KCNK17: variants seen among roughly 807,000 people sequenced by gnomAD.
The protein encoded by KCNK17 is potassium two pore domain channel subfamily K member 17, also known as potassium channel subfamily K member 17.
In KCNK17, 27 loss-of-function variants were observed where a neutral mutation model predicts 24.6. The observed-to-expected ratio is 1.10, with a 90% CI of 0.81 to 1.51. The LOEUF (loss-of-function observed/expected upper bound fraction) is 1.51. KCNK17 is among the 40% of genes most tolerant of loss of function. KCNK17 has a pLI of 0.00. For missense variants in KCNK17, 450 were observed against 436.6 expected (o/e 1.03, Z -0.27); for synonymous variants, 181 against 189.8 (o/e 0.95, Z 0.38).
intron 1 of KCNK17, among the ~76,000 whole-genome samples, chr6:39,312,682 A>G (rs897817322): frequency 5.3e-5 from 8 of 152,226 alleles, no homozygotes; most frequent in African/African-American, 1.9e-4. Context: ...AGTGCTTGGC[A>G]CACGATAAGT....
At chr6:39,300,596 T>C in intron 4 of KCNK17, 4 of 1,433,534 alleles carry the variant, frequency 2.8e-6, no homozygotes, top group Non-Finnish European at 3.8e-6. Flanking sequence ...TTCAGCCACC[T>C]GTCTGAACCT....
intron 2 of KCNK17, among the ~76,000 whole-genome samples, chr6:39,306,288 C>T (rs1348878396): frequency 2.0e-5 from 3 of 152,220 alleles, no homozygotes; most frequent in Non-Finnish European, 2.9e-5. Context: ...AGGCGATCTG[C>T]CCGCCTTGGC....
intron 4 of KCNK17, among the ~76,000 whole-genome samples, chr6:39,303,377 G>A (rs947889603): frequency 1.2e-4 from 18 of 152,196 alleles, no homozygotes; most frequent in African/African-American, 3.9e-4. Flanking sequence ...GCTGGGCATC[G>A]GACTCAGCCT....
intron 2 of KCNK17, among the ~76,000 whole-genome samples, chr6:39,306,766 GTT>G (rs34588404): frequency 0.012 from 1,603 of 130,462 alleles, 32 homozygotes; most frequent in African/African-American, 0.043. Context: ...TTCTTTCTTT[GTT>G]TTTTTTTTTT....
Position 39,299,618 on chromosome 6 carries a change from G to A in KCNK17, c.808C>T (p.Pro270Ser). The A allele has an allele frequency of 6.2e-7, 1 of 1,614,132 alleles. No individual in the cohort carries two copies. The highest frequency in any genetic ancestry group is 1.3e-5 in the African/African-American group (1 of 75,042). The change falls in exon 5 of 5, where the codon CCA (proline) becomes TCA (serine). Residue 270 changes from proline (P) to serine (S), a missense_variant. Pro to Ser is a moderately conservative substitution (Grantham distance 74, BLOSUM62 -1). Transcript: ENST00000373231. ...IKLILSQLET[P>S]GRVCSCCHHS... Reference sequence around the variant, plus strand: ...TGGCAGCAGGAACATACCCTCCCTGGCGTCTCCAGCTGGGAGAGGATGAGT... The same window carrying A: ...TGGCAGCAGGAACATACCCTCCCTGACGTCTCCAGCTGGGAGAGGATGAGT...
rs59086835 is a variant in KCNK17, at chr6:39,311,072, GCACACACACACACA to G, written c.238-79_238-66del. On this transcript the variant is annotated intron_variant, in intron 1 of 4. Transcript: ENST00000373231. ...TGATGGATTTCCTGTACCCCAAGATGCACACACACACACACACACACACACACACACACACACAC... is the reference window on the plus strand; with the variant it reads ...TGATGGATTTCCTGTACCCCAAGATGCACACACACACACACACACACACAC... The G allele has an allele frequency of 6.2e-3, 3,224 of 518,752 alleles. 49 individuals carry two copies. Among genetic ancestry groups the G allele is most frequent in the African/African-American group, 0.043 (2,092 of 49,026 alleles). 32.1% of individuals were successfully genotyped at this position (518,752 alleles called of 1,614,324 possible).
intron 1 of KCNK17, among the ~76,000 whole-genome samples, chr6:39,311,710 C>T (rs779782681): frequency 6.6e-6 from 1 of 152,102 alleles, no homozygotes; most frequent in Non-Finnish European, 1.5e-5. Context: ...GATGTTCATT[C>T]TCATTTGGGT....
intron 2 of KCNK17, among the ~76,000 whole-genome samples, chr6:39,306,636 A>G (rs1490732875): frequency 6.6e-6 from 1 of 152,116 alleles, no homozygotes; most frequent in Non-Finnish European, 1.5e-5. Context: ...AGGGGTCCCA[A>G]GAGAGGTCAA....
rs184459209 is a variant in KCNK17, at chr6:39,300,591, C to T, written c.689-854G>A. The T allele has an allele frequency of 1.6e-5, 23 of 1,474,910 alleles. No homozygotes were observed. The Admixed American group carries it at 3.2e-4, about 20-fold the overall frequency. 91.4% of individuals were successfully genotyped at this position (1,474,910 alleles called of 1,614,324 possible). The stretch of plus-strand genomic sequence containing the variant: ...TATGTATCCTGACTCGGTTCTTCAG[C>T]CACCTGTCTGAACCTCCTTCACCTG... On this transcript the variant is annotated intron_variant, in intron 4 of 4. Transcript: ENST00000373231.
Position 39,299,180 on chromosome 6 carries a change from C to T in KCNK17, c.*247G>A, listed in dbSNP as rs1236978311. 1.4e-5 allele frequency: 7 copies of T among 500,202 alleles called. No homozygotes were observed. The highest frequency in any genetic ancestry group is 5.7e-5 in the African/African-American group (3 of 52,258). The allele number at this position is 500,202 out of a possible 1,614,324, so 31.0% of individuals were successfully genotyped here. ...CTGCCAGAGCTCCCAGCCATCATAT[C>T]GGCGGCATTGCAGCCCGCTAAAGTA... On this transcript the variant is annotated 3_prime_UTR_variant, in exon 5 of 5. Transcript: ENST00000373231.
rs535450198 is a variant in KCNK17 at position 39,299,719 on chromosome 6, C to A, written c.707G>T (p.Arg236Met). ...DYVIGMNPSQ[R>M]YPLWYKNMVS... ...CATGTTCTTGTACCACAGTGGGTAC[C>A]TCTGGGAGGGGTTCATTCCTGGGGA... Residue 236 changes from arginine to methionine, a missense_variant, in exon 5 of 5, where the codon AGG (arginine) becomes ATG (methionine). Arg to Met is a moderately conservative substitution (Grantham distance 91). Coordinates refer to ENST00000373231, the MANE Select transcript of KCNK17 (RefSeq NM_031460.4). The A allele has an allele frequency of 3.1e-6, 5 of 1,613,658 alleles. No individual in the cohort carries two copies. The South Asian group carries it at 5.5e-5, about 18-fold the overall frequency.
intron 2 of KCNK17, among the ~76,000 whole-genome samples, chr6:39,306,080 C>T (rs181407290): frequency 2.8e-4 from 42 of 147,860 alleles, no homozygotes; most frequent in Middle Eastern, 3.6e-3. Flanking sequence ...GTTTCGCTCT[C>T]TTGCCCAGGC....
At chr6:39,303,207 C>T (rs1476587308) in intron 4 of KCNK17, among the ~76,000 whole-genome samples, 3 of 152,192 alleles carry the variant, frequency 2.0e-5, no homozygotes, top group African/African-American at 7.2e-5. Context: ...GGCCTCCTCC[C>T]CACATTAGGG....
rs191023425 is a variant in KCNK17 at position 39,310,947 on chromosome 6, G to A, written c.298C>T (p.Arg100Cys). ...SLLSNTTSMG[R>C]WELVGSFFFS... ...AAGAAGGAGCCCACGAGCTCCCAGC[G>A]CCCCATGCTGGTGGTGTTGCTGAGG... is the stretch of plus-strand genomic sequence containing the variant. Residue 100 changes from arginine (R) to cysteine (C), a missense_variant, in exon 2 of 5, where the codon CGC becomes TGC. Coordinates refer to ENST00000373231, the MANE Select transcript of KCNK17 (RefSeq NM_031460.4). 1.4e-5 allele frequency: 23 copies of A among 1,602,770 alleles called. No individual in the cohort carries two copies. The East Asian group carries it at 3.2e-4, about 22-fold the overall frequency.
intron 4 of KCNK17, among the ~76,000 whole-genome samples, chr6:39,301,268 G>T (rs1222941610): frequency 5.3e-5 from 8 of 152,078 alleles, no homozygotes; most frequent in Admixed American, 5.2e-4. Context: ...TCATTCAAAG[G>T]GTAGAGCTCT....
chr6:39,303,360 G>T (rs912849390), intron 4 of KCNK17, among the ~76,000 whole-genome samples: 4 of 152,202 alleles, frequency 2.6e-5, no homozygotes, highest in Non-Finnish European at 5.9e-5. Flanking sequence ...TCCCTCCACT[G>T]CCACCTGCTG....
At position 39,304,564 on chromosome 6, in the gene KCNK17, G is replaced by A; in HGVS notation, c.444C>T (p.Leu148=). 6.2e-7 allele frequency: 1 copy of A among 1,614,150 alleles called. No homozygotes were observed. Among genetic ancestry groups the A allele is most frequent in the Non-Finnish European group, 8.5e-7 (1 of 1,179,984 alleles). The part of the protein sequence containing the change: ...LVGIPLNLVV[L]NRLGHLMQQG... The stretch of plus-strand genomic sequence containing the variant: ...GCTGCATGAGATGCCCCAGTCGGTT[G>A]AGCACCACGAGGTTGAGTGGGATCC... Residue 148 remains leucine (L), a synonymous_variant, in exon 3 of 5, where the codon CTC becomes CTT. Coordinates refer to ENST00000373231, the MANE Select transcript of KCNK17 (RefSeq NM_031460.4).
At position 39,304,631 on chromosome 6, in the gene KCNK17, G is replaced by T. The variant is rs376144090; in HGVS notation, c.377C>A (p.Thr126Lys). 3 of 1,612,902 alleles carry T rather than the reference G, an allele frequency of 1.9e-6. No homozygotes were observed. Among genetic ancestry groups the T allele is most frequent in the South Asian group, 1.1e-5 (1 of 91,056 alleles). The part of the protein sequence containing the change: ...TIGYGNLSPN[T>K]MAARLFCIFF... ...GATGCAGAAGAGGCGGGCAGCCATC[G>T]TGTTGGGGCTCAGGTTGCCATAGCC... Residue 126 changes from threonine to lysine, a missense_variant, in exon 3 of 5, where the codon ACG becomes AAG. Coordinates refer to ENST00000373231, the MANE Select transcript of KCNK17 (RefSeq NM_031460.4).
intron 3 of KCNK17, 59 bp from the exon 4 acceptor site, chr6:39,304,190 G>T: frequency 6.6e-7 from 1 of 1,508,120 alleles, no homozygotes; most frequent in South Asian, 1.2e-5. Flanking sequence ...CGTGGGAGCC[G>T]AGGGAGCTGG....
Sources: gnomAD v4.1 joint callset for allele counts (sites outside exome capture counted in the v4.1 genomes callset) on GRCh38, gnomAD v4.1.1 for gene constraint, MANE v1.5 for transcripts, NCBI Gene and HGNC (gene_info 2026-07-23, HGNC 2026-07-21) for gene names.